The following EMC3 variants were observed in gnomAD, a reference collection of about 807,000 sequenced individuals.
EMC3 encodes the protein 30 kDa protein.
A neutral mutation model predicts 36.6 loss-of-function variants in EMC3; 13 were observed. The observed-to-expected ratio is 0.35, with a 90% confidence interval of 0.23 to 0.56. EMC3 has a LOEUF of 0.56. EMC3 is among the 20% of genes least tolerant of loss of function. The pLI is 0.84. For synonymous variants in EMC3, 120 were observed against 111.9 expected, an observed-to-expected ratio of 1.07 and a Z score of -0.46; for missense variants, 220 against 324.5, an observed-to-expected ratio of 0.68 and a Z score of 2.47.
chr3:9,981,577 C>G (rs2085912125), intron 1 of EMC3: 1 of 233,846 alleles, frequency 4.3e-6, no homozygotes, highest in African/African-American at 2.4e-5. Context: ...TAATTTGCAA[C>G]TGAAGGACAT....
At position 9,964,082 on chromosome 3, in the gene EMC3, G is replaced by A; in HGVS notation, c.773C>T (p.Thr258Ile). ...CCTGCTCGGTCTTCAAAAAATAGAG[G>A]TCTGTAATTCCTTTTTGAACATGCC... ...FEGMFKKELQTSIF is the reference protein window; with the variant it reads ...FEGMFKKELQISIF The change falls in exon 8 of 8, where the codon ACC becomes ATC. Residue 258 changes from threonine to isoleucine, a missense_variant. Physicochemically the swap from Thr to Ile is moderately conservative, Grantham distance 89. This residue lies in a region of EMC3 where 37 missense variants were observed against 32.9 expected (regional missense o/e 1.13). Coordinates refer to ENST00000245046, the MANE Select transcript of EMC3 (RefSeq NM_001394674.1). The A allele has an allele frequency of 6.2e-7, 1 of 1,614,110 alleles. No homozygotes were observed. The highest frequency in any genetic ancestry group is 8.5e-7 in the Non-Finnish European group (1 of 1,180,022).
intron 6 of EMC3, 39 bp downstream of exon 6, chr3:9,970,543 A>C: frequency 1.3e-6 from 2 of 1,595,730 alleles, no homozygotes; most frequent in Non-Finnish European, 1.7e-6. Context: ...TGATTCATCT[A>C]TGGAAGTATT....
intron 1 of EMC3, among the ~76,000 whole-genome samples, chr3:10,002,120 TC>T (rs2086208712): frequency 6.6e-6 from 1 of 152,190 alleles, no homozygotes; most frequent in African/African-American, 2.4e-5. Flanking sequence ...TATGGATCTT[TC>T]TATTTCTGCA....
At position 9,963,832 on chromosome 3, in the gene EMC3, C is replaced by A; in HGVS notation, c.*237G>T. Reference sequence around the variant, plus strand: ...TTCCCCCTTTCTCTGACTTTCATTACTAGAGTCACCAGAAGGAACATTTAC... The same window carrying A: ...TTCCCCCTTTCTCTGACTTTCATTAATAGAGTCACCAGAAGGAACATTTAC... On this transcript the variant is annotated 3_prime_UTR_variant, in exon 8 of 8. Coordinates refer to ENST00000245046, the MANE Select transcript of EMC3 (RefSeq NM_001394674.1). 4.2e-6 allele frequency: 2 copies of A among 475,772 alleles called. No individual in the cohort carries two copies. The highest frequency in any genetic ancestry group is 3.5e-6 in the Non-Finnish European group (1 of 284,472). 29.5% of individuals were successfully genotyped at this position (475,772 alleles called of 1,614,324 possible).
upstream of EMC3, chr3:9,986,929 C>T (rs1328789213): frequency 1.6e-6 from 2 of 1,242,800 alleles, no homozygotes; most frequent in East Asian, 3.8e-5. Flanking sequence ...AAACTATCGG[C>T]GGTGGCCCAG....
Position 9,974,324 on chromosome 3 carries a change from T to C in EMC3, c.412+60A>G, listed in dbSNP as rs113212513. On this transcript the variant is annotated intron_variant, in intron 4 of 7. Coordinates refer to ENST00000245046, the MANE Select transcript of EMC3 (RefSeq NM_001394674.1). ...GAAAACACAGGACCTGTGATATTAGTGTCTCACTAGCACTTGAATTTCTCT... is the reference window on the plus strand; with the variant it reads ...GAAAACACAGGACCTGTGATATTAGCGTCTCACTAGCACTTGAATTTCTCT... The C allele has an allele frequency of 2.0e-4, 220 of 1,106,666 alleles. 4 individuals are homozygous for C. The Middle Eastern group carries it at 2.2e-3, about 11-fold the overall frequency. 68.6% of individuals were successfully genotyped at this position (1,106,666 alleles called of 1,614,324 possible).
chr3:10,005,440 G>C (rs563095223), intron 1 of EMC3, among the ~76,000 whole-genome samples: 39 of 152,064 alleles, frequency 2.6e-4, no homozygotes, highest in Non-Finnish European at 5.0e-4. Context: ...GACCCGCCAG[G>C]GACATACAAA....
intron 1 of EMC3, among the ~76,000 whole-genome samples, chr3:9,985,806 A>T (rs2085964536): frequency 6.6e-6 from 1 of 152,202 alleles, no homozygotes; most frequent in Non-Finnish European, 1.5e-5. Context: ...AGGCAAGAGA[A>T]TCGCTTGAAC....
intron 1 of EMC3, among the ~76,000 whole-genome samples, chr3:9,993,598 C>T (rs972861129): frequency 3.3e-5 from 5 of 151,828 alleles, no homozygotes; most frequent in African/African-American, 1.2e-4. Context: ...TTTCTAGACA[C>T]GGAAACCATA....
chr3:9,986,876 C>G (rs2085980809), upstream of EMC3: 1 of 1,361,380 alleles, frequency 7.3e-7, no homozygotes, highest in East Asian at 2.8e-5. Flanking sequence ...CGTGGCGCAC[C>G]TCAGTGGCGT....
chr3:9,976,821 G>C (rs2085854909), intron 3 of EMC3, 136 bp downstream of exon 3: 1 of 677,242 alleles, frequency 1.5e-6, no homozygotes, highest in Admixed American at 2.6e-5. Context: ...TGTATCAGAT[G>C]ATTTCTAAGG....
chr3:10,010,817 C>G (rs2124945924), intron 1 of EMC3: 1 of 152,430 alleles, frequency 6.6e-6, no homozygotes, highest in East Asian at 1.9e-4. Context: ...CTGGTCACTG[C>G]GCCTTGAGGA....
Position 9,973,699 on chromosome 3 carries a change from T to C in EMC3, c.423A>G (p.Pro141=). Residue 141 remains proline (P), a synonymous_variant, in exon 5 of 8, where the codon CCA becomes CCG. Coordinates refer to ENST00000245046, the MANE Select transcript of EMC3 (RefSeq NM_001394674.1). ...GCTTAAAACGGAGGGTCAGTGGAAA[T>C]GGGACCTTGGCTGCAGAGAAGAAAA... ...TFSGFVTTKV[P]FPLTLRFKPM... is the part of the protein sequence containing the mutation. 2 of 1,614,136 alleles carry C rather than the reference T, an allele frequency of 1.2e-6. No individual in the cohort carries two copies. Among genetic ancestry groups the C allele is most frequent in the Non-Finnish European group, 1.7e-6 (2 of 1,179,998 alleles).
rs201976300 is a variant in EMC3, at chr3:9,986,701, T to G, written c.-40A>C. 35 of 1,610,242 alleles carry G rather than the reference T, an allele frequency of 2.2e-5. No homozygotes were observed. Among genetic ancestry groups the G allele is most frequent in the Non-Finnish European group, 2.9e-5 (34 of 1,177,570 alleles). ...GGTTCCCAGTCTGGAATGGGCGAGC[T>G]TCTCTTCTCCGGGGCACAGTTGCTT... On this transcript the variant is annotated 5_prime_UTR_variant, in exon 1 of 8. Coordinates refer to ENST00000245046, the MANE Select transcript of EMC3 (RefSeq NM_001394674.1).
chr3:10,002,583 G>A (rs1352187571), intron 1 of EMC3: 2 of 355,716 alleles, frequency 5.6e-6, no homozygotes, highest in Non-Finnish European at 1.1e-5. Context: ...ACCGCGCCAA[G>A]CCTTGCCTTT....
At chr3:9,981,038 C>T (rs2085906109) in intron 1 of EMC3, among the ~76,000 whole-genome samples, 1 of 152,000 alleles carries the variant, frequency 6.6e-6, no homozygotes. Context: ...CCACTGTCTC[C>T]ACAAAAAAAT....
chr3:9,992,638 A>G (rs2086069237), intron 1 of EMC3, among the ~76,000 whole-genome samples: 1 of 152,234 alleles, frequency 6.6e-6, no homozygotes, highest in Non-Finnish European at 1.5e-5. Context: ...CTGTAGTAGT[A>G]TCACTTTAAT....
Position 9,969,704 on chromosome 3 carries a change from G to C in EMC3, c.657+15C>G. The C allele has an allele frequency of 6.2e-7, 1 of 1,614,146 alleles. No individual in the cohort carries two copies. Among genetic ancestry groups the C allele is most frequent in the Non-Finnish European group, 8.5e-7 (1 of 1,180,028 alleles). On this transcript the variant is annotated intron_variant, in intron 7 of 7. Transcript: ENST00000245046. ...TCAGAGCATTGCTGCAGCTTTGAAA[G>C]GTGAAGGAGTATACCTTGAAAGCTT...
In EMC3 at chr3:9,993,152, T is replaced by C; in HGVS notation, c.-241-6250A>G. ...TTTTTGCATTAACATTTTAATTGTC[T>C]ATCTCAATGCAGTTTGCAATTATGA... On this transcript the variant is annotated intron_variant, in intron 1 of 8. Coordinates refer to the EMC3 transcript ENST00000470827. The C allele has an allele frequency of 4.7e-6, 3 of 637,586 alleles. No homozygotes were observed. In the South Asian group the frequency reaches 5.7e-5, roughly 12 times the overall value. 39.5% of individuals were successfully genotyped at this position (637,586 alleles called of 1,614,324 possible). A position where few individuals can be genotyped will look rare whatever the true frequency, so the allele number is the denominator to read the frequency against.
Sources: gnomAD v4.1 joint callset for allele counts (sites outside exome capture counted in the v4.1 genomes callset) on GRCh38, gnomAD v4.1.1 for gene constraint, gnomAD v4.1.1 regional missense constraint, MANE v1.5 for transcripts, NCBI Gene and HGNC (gene_info 2026-07-23, HGNC 2026-07-21) for gene names.